The following VAC14 variants were observed in gnomAD, a reference collection of about 807,000 sequenced individuals.
VAC14 encodes VAC14 component of PIKFYVE complex.
A neutral mutation model predicts 85.3 loss-of-function variants in VAC14; 47 were observed. That is an observed-to-expected ratio of 0.55 (90% CI 0.44 to 0.70). The LOEUF is 0.70. Ranked by LOEUF, VAC14 falls within the 30% of genes least tolerant of loss-of-function variation. The probability of loss-of-function intolerance (pLI) is 0.00; values close to 1 mark genes in which losing one functional copy is unlikely to be tolerated. For missense variants in VAC14, 861 were observed against 1,004.3 expected (o/e 0.86, Z 1.93); for synonymous variants, 447 against 430.5 (o/e 1.04, Z -0.47).
chr16:70,689,972 A>C (rs563025982), intron 18 of VAC14: 2 of 985,390 alleles, frequency 2.0e-6, no homozygotes, highest in Non-Finnish European at 2.4e-6. Context: ...GTGTGACCCT[A>C]AAGTGTGTCT....
At position 70,790,930 on chromosome 16, in the gene VAC14, C is replaced by T. The variant is rs186765255; in HGVS notation, c.105-4565G>A. On this transcript the variant is annotated intron_variant, in intron 1 of 18. Coordinates refer to ENST00000261776, the MANE Select transcript of VAC14 (RefSeq NM_018052.5). ...TGGCTGGAGGGAAAACCATGGAACACGTCCTTACCAATATGTCAGTCTGGA... is the reference window on the plus strand; with the variant it reads ...TGGCTGGAGGGAAAACCATGGAACATGTCCTTACCAATATGTCAGTCTGGA... Among the ~76,000 whole-genome samples the T allele has an allele frequency of 3.1e-3, 469 of 152,358 alleles. 4 individuals are homozygous for T. The highest frequency in any genetic ancestry group is 3.4e-3 in the Non-Finnish European group (228 of 68,030).
intron 14 of VAC14, among the ~76,000 whole-genome samples, chr16:70,723,226 G>GAA (rs143836946): frequency 1.5e-5 from 2 of 136,448 alleles, no homozygotes; most frequent in African/African-American, 2.7e-5. Context: ...TGTCTCAAAA[G>GAA]AAAAAAAAAA....
intron 7 of VAC14, 82 bp downstream of exon 7, chr16:70,782,951 A>C (rs1357613215): frequency 7.9e-7 from 1 of 1,263,564 alleles, no homozygotes; most frequent in African/African-American, 1.5e-5. Context: ...ACTGAAGCTG[A>C]GATGGTGAAA....
At chr16:70,770,586 G>A (rs1475930046) in intron 10 of VAC14, 1 of 152,202 alleles carries the variant, frequency 6.6e-6, no homozygotes, top group Non-Finnish European at 1.5e-5. Context: ...TCATTGCCTG[G>A]GCTCAGGCAC....
intron 2 of VAC14, 167 bp from the exon 3 acceptor site, chr16:70,786,036 C>T: frequency 7.4e-7 from 1 of 1,342,862 alleles, no homozygotes; most frequent in Non-Finnish European, 1.0e-6. Context: ...AGGGCCCATG[C>T]CTAGGGGACC....
chr16:70,730,660 T>A (rs2054564986), intron 14 of VAC14, among the ~76,000 whole-genome samples: 1 of 146,854 alleles, frequency 6.8e-6, no homozygotes, highest in Admixed American at 6.8e-5. Context: ...TGCAGTGGTG[T>A]GATCTCGGCT....
chr16:70,799,812 G>T (rs898784957), intron 1 of VAC14, among the ~76,000 whole-genome samples: 3 of 152,226 alleles, frequency 2.0e-5, no homozygotes, highest in African/African-American at 4.8e-5. Flanking sequence ...TGCAATGATG[G>T]AAACAGTCTA....
chr16:70,723,353 G>C (rs565859219), intron 14 of VAC14, among the ~76,000 whole-genome samples: 78 of 152,250 alleles, frequency 5.1e-4, no homozygotes, highest in Non-Finnish European at 9.0e-4. Context: ...TGAGGCAGGA[G>C]GTCACAGCGA....
chr16:70,710,895 C>G (rs1040263182), intron 14 of VAC14, among the ~76,000 whole-genome samples: 1 of 152,266 alleles, frequency 6.6e-6, no homozygotes, highest in African/African-American at 2.4e-5. Context: ...ACTAGTCTCT[C>G]GTGTTCCCGT....
intron 1 of VAC14, among the ~76,000 whole-genome samples, chr16:70,788,116 A>G (rs188308728): frequency 1.3e-5 from 2 of 152,366 alleles, no homozygotes; most frequent in East Asian, 3.9e-4. Flanking sequence ...TTTTAAGAAC[A>G]GTCATGTCCA....
At position 70,763,330 on chromosome 16, in the gene VAC14, C is replaced by T. The variant is rs370170425; in HGVS notation, c.1161-305G>A. Among the ~76,000 whole-genome samples, 12 of 152,338 alleles carry T rather than the reference C, an allele frequency of 7.9e-5. No individual in the cohort carries two copies. The East Asian group carries it at 1.7e-3, about 22-fold the overall frequency. On this transcript the variant is annotated intron_variant, in intron 10 of 18. Coordinates refer to ENST00000261776, the MANE Select transcript of VAC14 (RefSeq NM_018052.5). ...GGGGGATGAGGACCAGTCTGCTGGG[C>T]TCCCACTCACTTTTCCTTTTCTTTC...
intron 13 of VAC14, among the ~76,000 whole-genome samples, chr16:70,738,767 C>T (rs548025321): frequency 8.5e-5 from 13 of 152,334 alleles, no homozygotes; most frequent in African/African-American, 3.1e-4. Context: ...TTACTGGGCA[C>T]CTGGTGCCAG....
intron 9 of VAC14, chr16:70,773,337 C>T (rs2033344550): frequency 1.3e-5 from 2 of 152,240 alleles, no homozygotes; most frequent in African/African-American, 4.8e-5. Context: ...TAGTATTTAA[C>T]TTACCATCAT....
chr16:70,744,074 C>A (rs2030629382), intron 13 of VAC14, among the ~76,000 whole-genome samples: 1 of 152,078 alleles, frequency 6.6e-6, no homozygotes, highest in Admixed American at 6.5e-5. Context: ...CTGTTAGACC[C>A]CAAGACCGAA....
intron 14 of VAC14, among the ~76,000 whole-genome samples, chr16:70,724,394 G>A (rs1018220087): frequency 5.3e-5 from 8 of 152,198 alleles, no homozygotes; most frequent in African/African-American, 1.7e-4. Flanking sequence ...GTGCAAGGAC[G>A]CTGGTCATTT....
At chr16:70,753,859 G>A (rs2031606938) in intron 12 of VAC14, among the ~76,000 whole-genome samples, 1 of 152,212 alleles carries the variant, frequency 6.6e-6, no homozygotes, top group South Asian at 2.1e-4. Context: ...GCTCTAGGAG[G>A]TGTGAGTGAG....
chr16:70,691,539 A>T (rs2053595978), intron 18 of VAC14: 2 of 985,242 alleles, frequency 2.0e-6, no homozygotes, highest in South Asian at 9.4e-5. Context: ...TCCATGGCTG[A>T]CCCTGCTCCC....
chr16:70,704,905 T>C (rs1242299204), intron 14 of VAC14, among the ~76,000 whole-genome samples: 2 of 152,222 alleles, frequency 1.3e-5, no homozygotes, highest in Non-Finnish European at 2.9e-5. Context: ...GACTCTGCCA[T>C]GTGGCTTCAG....
chr16:70,784,929 C>T, intron 3 of VAC14, 91 bp from the exon 4 acceptor site: 2 of 1,127,350 alleles, frequency 1.8e-6, no homozygotes, highest in Non-Finnish European at 2.7e-6. Flanking sequence ...GCAGCCGAGG[C>T]CTTGGTGCAG....
Sources: gnomAD v4.1 joint callset for allele counts (sites outside exome capture counted in the v4.1 genomes callset) on GRCh38, gnomAD v4.1.1 for gene constraint, MANE v1.5 for transcripts, NCBI Gene and HGNC (gene_info 2026-07-23, HGNC 2026-07-21) for gene names.